RBFOX1: variants seen among roughly 807,000 people sequenced by gnomAD.
The protein encoded by RBFOX1 is RNA binding fox-1 homolog 1.
RBFOX1 carries 8 observed loss-of-function variants against 57.7 expected under a neutral mutation model. That is an observed-to-expected ratio of 0.14 (90% CI 0.08 to 0.25). RBFOX1 has a LOEUF of 0.25. RBFOX1 is among the 10% of genes least tolerant of loss of function. The pLI is 1.00. For synonymous variants in RBFOX1, 326 were observed against 222.4 expected, an observed-to-expected ratio of 1.47 and a Z score of -4.15; for missense variants, 611 against 548.5, an observed-to-expected ratio of 1.11 and a Z score of -1.14.
At chr16:7,247,047 A>AT (rs2094330628) in intron 4 of RBFOX1, among the ~76,000 whole-genome samples, 1 of 152,174 alleles carries the variant, frequency 6.6e-6, no homozygotes, top group South Asian at 2.1e-4. Context: ...TGTTTAGTGC[A>AT]TGTGTCTGTA....
intron 3 of RBFOX1, among the ~76,000 whole-genome samples, chr16:5,822,761 G>A (rs1010563001): frequency 6.6e-6 from 1 of 152,156 alleles, no homozygotes. Flanking sequence ...GGAAGGAATT[G>A]GAGATGGTTT....
chr16:7,203,907 A>G (rs2089313241), intron 4 of RBFOX1, among the ~76,000 whole-genome samples: 1 of 152,236 alleles, frequency 6.6e-6, no homozygotes. Flanking sequence ...ACTAGTCAAG[A>G]AGGACAGGTG....
intron 3 of RBFOX1, among the ~76,000 whole-genome samples, chr16:6,719,598 G>T (rs574010891): frequency 1.3e-5 from 2 of 151,398 alleles, no homozygotes; most frequent in African/African-American, 4.9e-5. Flanking sequence ...CCATCACCAC[G>T]CCCGGCTAAT....
chr16:6,264,743 CT>C (rs1269049682), intron 1 of RBFOX1, among the ~76,000 whole-genome samples: 1 of 152,210 alleles, frequency 6.6e-6, no homozygotes, highest in Non-Finnish European at 1.5e-5. Flanking sequence ...AGGTGCTCAG[CT>C]CTTTTTTGCA....
At chr16:5,569,291 A>G (rs1349426027) in intron 2 of RBFOX1, among the ~76,000 whole-genome samples, 1 of 152,050 alleles carries the variant, frequency 6.6e-6, no homozygotes, top group African/African-American at 2.4e-5. Context: ...GGGGCTTTGA[A>G]AAAAGACAAA....
intron 4 of RBFOX1, among the ~76,000 whole-genome samples, chr16:7,480,828 G>T (rs1472303039): frequency 3.9e-5 from 6 of 152,180 alleles, no homozygotes; most frequent in Admixed American, 3.9e-4. Flanking sequence ...GCAGAAAGCA[G>T]CTGGGAATTG....
chr16:7,355,684 A>T (rs888636936), intron 4 of RBFOX1, among the ~76,000 whole-genome samples: 5 of 152,180 alleles, frequency 3.3e-5, no homozygotes, highest in African/African-American at 7.2e-5. Flanking sequence ...AAACAGTAAT[A>T]CCATGATTTA....
intron 1 of RBFOX1, among the ~76,000 whole-genome samples, chr16:6,061,239 A>G (rs1434618401): frequency 6.6e-6 from 1 of 152,192 alleles, no homozygotes; most frequent in Non-Finnish European, 1.5e-5. Context: ...TAATAGATCT[A>G]GAAAGTAGTG....
chr16:7,014,054 C>T (rs2093782357), intron 3 of RBFOX1, among the ~76,000 whole-genome samples: 1 of 152,196 alleles, frequency 6.6e-6, no homozygotes, highest in South Asian at 2.1e-4. Flanking sequence ...TAACAGTATT[C>T]ACTCAGTATA....
Position 6,907,765 on chromosome 16 carries a change from G to A in RBFOX1, c.-15-144292G>A, listed in dbSNP as rs1168327361. Among the ~76,000 whole-genome samples the A allele has an allele frequency of 6.9e-5, 10 of 145,948 alleles. 1 individual carries two copies. The highest frequency in any genetic ancestry group is 2.1e-4 in the South Asian group (1 of 4,744). On this transcript the variant is annotated intron_variant, in intron 3 of 15. Transcript: ENST00000550418. ...TTTTTGCATTTTTTAGTAGAGATAG[G>A]GTTTCACCATTTTGGCCAGGCTGGT...
intron 1 of RBFOX1, among the ~76,000 whole-genome samples, chr16:5,418,501 T>A (rs1308063436): frequency 6.6e-6 from 1 of 152,108 alleles, no homozygotes; most frequent in Non-Finnish European, 1.5e-5. Flanking sequence ...CAGGCCTGAA[T>A]TCAGGAGATA....
rs568020471 is a variant in RBFOX1, at chr16:6,878,227, G to T, written c.-15-173830G>T. Among the ~76,000 whole-genome samples, 56 of 152,256 alleles carry T rather than the reference G, an allele frequency of 3.7e-4. 1 individual carries two copies. The highest frequency in any genetic ancestry group is 1.3e-3 in the African/African-American group (55 of 41,554). ...ATGCAGGCTCATCAACAAAGATTCC[G>T]TTTCTTCCCTGCTGAGCACTGCTTG... On this transcript the variant is annotated intron_variant, in intron 3 of 15. Coordinates refer to ENST00000550418, the MANE Select transcript of RBFOX1 (RefSeq NM_018723.4).
At chr16:6,256,974 C>A (rs754121953) in intron 1 of RBFOX1, among the ~76,000 whole-genome samples, 1 of 152,124 alleles carries the variant, frequency 6.6e-6, no homozygotes, top group Non-Finnish European at 1.5e-5. Flanking sequence ...CTTACACCTG[C>A]ATTCCATGAG....
chr16:6,720,060 C>A (rs1451787810), intron 3 of RBFOX1, among the ~76,000 whole-genome samples: 1 of 151,930 alleles, frequency 6.6e-6, no homozygotes, highest in African/African-American at 2.4e-5. Flanking sequence ...TGCCACTGCA[C>A]TACACCCTGG....
At chr16:6,023,941 A>T (rs1049409613) in intron 1 of RBFOX1, among the ~76,000 whole-genome samples, 2 of 152,234 alleles carry the variant, frequency 1.3e-5, no homozygotes, top group African/African-American at 4.8e-5. Flanking sequence ...GAGCTTCAAA[A>T]CAAGGGGATC....
At chr16:6,971,146 A>G (rs1221289568) in intron 3 of RBFOX1, among the ~76,000 whole-genome samples, 2 of 152,174 alleles carry the variant, frequency 1.3e-5, no homozygotes, top group East Asian at 1.9e-4. Flanking sequence ...GAGTGGGTCT[A>G]CTAATACATA....
At chr16:6,084,841 A>G (rs770416060) in intron 1 of RBFOX1, among the ~76,000 whole-genome samples, 3 of 152,158 alleles carry the variant, frequency 2.0e-5, no homozygotes, top group Non-Finnish European at 4.4e-5. Context: ...TGAGTGATTA[A>G]GTAATTTTGA....
chr16:6,118,648 C>G (rs2096524266), intron 1 of RBFOX1, among the ~76,000 whole-genome samples: 1 of 151,014 alleles, frequency 6.6e-6, no homozygotes, highest in Non-Finnish European at 1.5e-5. Context: ...CTCTTTCTTT[C>G]TCTTTCCCTC....
chr16:7,184,517 G>A (rs1223857136), intron 4 of RBFOX1, among the ~76,000 whole-genome samples: 2 of 152,174 alleles, frequency 1.3e-5, no homozygotes, highest in Admixed American at 1.3e-4. Flanking sequence ...CCTGTCTCAT[G>A]GTCAAAAGTT....
Sources: allele counts gnomAD v4.1 joint callset (sites outside exome capture counted in the v4.1 genomes callset), GRCh38; gene constraint gnomAD v4.1.1; transcripts MANE v1.5; gene names NCBI Gene and HGNC (gene_info 2026-07-23, HGNC 2026-07-21).